The following CMYA5 variants were observed in gnomAD, a reference collection of about 807,000 sequenced individuals.
CMYA5 encodes cardiomyopathy-associated protein 5.
Under a neutral mutation model 318.9 loss-of-function variants are expected in CMYA5, and 246 were observed. That is an observed-to-expected ratio of 0.77 (90% CI 0.70 to 0.86). The LOEUF (loss-of-function observed/expected upper bound fraction) is 0.86. Among genes scored for constraint, CMYA5 ranks in the 40% least tolerant of loss-of-function variants. The pLI is 0.00. For missense variants in CMYA5, 4,589 were observed against 4,678.2 expected (o/e 0.98, Z 0.56); for synonymous variants, 1,641 against 1,729.5 (o/e 0.95, Z 1.27).
intron 9 of CMYA5, among the ~76,000 whole-genome samples, chr5:79,765,148 C>T (rs1387157673): frequency 3.3e-5 from 5 of 152,166 alleles, no homozygotes; most frequent in Non-Finnish European, 7.3e-5. Context: ...TTTAATCCAT[C>T]TTGAGTTAAT....
rs777102367 is a variant in CMYA5 at position 79,730,462 on chromosome 5, T to C, written c.1697T>C (p.Leu566Ser). ...EHKEEELILP[L>S]LAASSPEHVA... Reference sequence around the variant, plus strand: ...AAAGAAGAAGAGCTTATTCTACCATTATTGGCAGCATCATCTCCTGAACAT... The same window carrying C: ...AAAGAAGAAGAGCTTATTCTACCATCATTGGCAGCATCATCTCCTGAACAT... Residue 566 changes from leucine (L) to serine (S), a missense_variant, in exon 2 of 13, where the codon TTA becomes TCA. Coordinates refer to ENST00000446378, the MANE Select transcript of CMYA5 (RefSeq NM_153610.5). 1.9e-6 allele frequency: 3 copies of C among 1,613,830 alleles called. No individual in the cohort carries two copies. Among genetic ancestry groups the C allele is most frequent in the East Asian group, 4.5e-5 (2 of 44,864 alleles).
rs1486275361 is a variant in CMYA5 at position 79,761,898 on chromosome 5, T to C, written c.11348T>C (p.Val3783Ala). Residue 3783 changes from valine to alanine, a missense_variant, in exon 8 of 13, where the codon GTG (valine) becomes GCG (alanine). Physicochemically the swap from Val to Ala is moderately conservative, Grantham distance 64 (BLOSUM62 0). Around this residue, in one of 3 missense-constraint regions of CMYA5, gnomAD observed 2,431 missense variants for 2,495.1 expected, o/e 0.97. Transcript: ENST00000446378. ...LEPDRCYQVWVMAVNFTGCSL... is the reference protein window; with the variant it reads ...LEPDRCYQVWAMAVNFTGCSL... ...CCTGACCGATGCTATCAAGTGTGGG[T>C]GATGGCTGTGAACTTCACTGGATGT... is the stretch of plus-strand genomic sequence containing the variant. 5 of 1,613,696 alleles carry C rather than the reference T, an allele frequency of 3.1e-6. No homozygotes were observed. Among genetic ancestry groups the C allele is most frequent in the African/African-American group, 1.3e-5 (1 of 74,942 alleles).
intron 1 of CMYA5, among the ~76,000 whole-genome samples, chr5:79,724,772 T>C (rs1425589076): frequency 6.6e-6 from 1 of 152,256 alleles, no homozygotes; most frequent in Non-Finnish European, 1.5e-5. Flanking sequence ...CTGAGTGTAA[T>C]ACTGCCATGG....
rs1396758443 is a variant in CMYA5, at chr5:79,730,609, C to T, written c.1844C>T (p.Pro615Leu). ...NHELQEQEGE[P>L]VPPSNVEAIA... ...GAATTACAGGAGCAAGAAGGTGAGCCAGTTCCCCCATCCAATGTAGAAGCT... is the reference window on the plus strand; with the variant it reads ...GAATTACAGGAGCAAGAAGGTGAGCTAGTTCCCCCATCCAATGTAGAAGCT... The change falls in exon 2 of 13, where the codon CCA becomes CTA. Residue 615 changes from proline to leucine, a missense_variant. Coordinates refer to ENST00000446378, the MANE Select transcript of CMYA5 (RefSeq NM_153610.5). The T allele has an allele frequency of 6.2e-7, 1 of 1,614,020 alleles. No individual in the cohort carries two copies. Among genetic ancestry groups the T allele is most frequent in the South Asian group, 1.1e-5 (1 of 91,088 alleles).
intron 1 of CMYA5, among the ~76,000 whole-genome samples, chr5:79,721,200 T>G (rs1827618820): frequency 6.6e-6 from 1 of 152,056 alleles, no homozygotes; most frequent in Admixed American, 6.6e-5. Flanking sequence ...ATAAAAAAAT[T>G]CAATCCAAAA....
intron 11 of CMYA5, among the ~76,000 whole-genome samples, chr5:79,793,143 A>G (rs958119577): frequency 1.3e-5 from 2 of 152,160 alleles, no homozygotes; most frequent in South Asian, 4.1e-4. Flanking sequence ...TTTTTGTCCT[A>G]CCATTATTCT....
At position 79,734,122 on chromosome 5, in the gene CMYA5, T is replaced by A; in HGVS notation, c.5357T>A (p.Ile1786Asn). The A allele has an allele frequency of 6.2e-7, 1 of 1,613,692 alleles. No homozygotes were observed. Among genetic ancestry groups the A allele is most frequent in the Non-Finnish European group, 8.5e-7 (1 of 1,179,782 alleles). The part of the protein sequence containing the change: ...GNLKAQVMGD[I>N]LDKLSEETGH... ...TTGAAGGCACAAGTCATGGGAGATA[T>A]TTTAGATAAGCTAAGTGAAGAAACA... Residue 1786 changes from isoleucine (I) to asparagine (N), a missense_variant, in exon 2 of 13, where the codon ATT (isoleucine) becomes AAT (asparagine). Coordinates refer to ENST00000446378, the MANE Select transcript of CMYA5 (RefSeq NM_153610.5).
chr5:79,739,748 C>T (rs76265275), intron 2 of CMYA5, among the ~76,000 whole-genome samples: 18,951 of 151,898 alleles, frequency 0.12, 1,311 homozygotes, highest in South Asian at 0.19. Flanking sequence ...TTTGAGAGAC[C>T]GAGGTGGGAG....
At chr5:79,725,595 C>T (rs1273629637) in intron 1 of CMYA5, among the ~76,000 whole-genome samples, 1 of 152,158 alleles carries the variant, frequency 6.6e-6, no homozygotes, top group African/African-American at 2.4e-5. Context: ...TGCACATGTT[C>T]CCCCTGGATC....
Position 79,709,960 on chromosome 5 carries a change from CAAAAAAAA to C in CMYA5, c.150-18934_150-18927del, listed in dbSNP as rs61657639. ...TGGGTGACAGAGTGAGACTCCATCT[CAAAAAAAA>C]AAAAAAAAAAAAAAAAAAAAGAAAG... On this transcript the variant is annotated intron_variant, in intron 1 of 12. Transcript: ENST00000446378. Among the ~76,000 whole-genome samples, 11 of 24,320 alleles carry C rather than the reference CAAAAAAAA, an allele frequency of 4.5e-4. No homozygotes were observed. In the South Asian group the frequency reaches 0.011, roughly 25 times the overall value. The allele number at this position is 24,320 out of a possible 152,430, so 16.0% of individuals were successfully genotyped here.
chr5:79,698,679 C>T (rs1199231359), intron 1 of CMYA5, among the ~76,000 whole-genome samples: 1 of 152,236 alleles, frequency 6.6e-6, no homozygotes, highest in Non-Finnish European at 1.5e-5. Flanking sequence ...TCACTCCCTT[C>T]TTGTCTTCCG....
At chr5:79,791,866 G>C (rs1354176222) in intron 11 of CMYA5, among the ~76,000 whole-genome samples, 1 of 152,214 alleles carries the variant, frequency 6.6e-6, no homozygotes, top group African/African-American at 2.4e-5. Flanking sequence ...GGAGGAAACT[G>C]CCCTGCAATT....
intron 9 of CMYA5, among the ~76,000 whole-genome samples, chr5:79,773,119 C>A (rs1828881960): frequency 6.6e-6 from 1 of 152,170 alleles, no homozygotes; most frequent in Non-Finnish European, 1.5e-5. Context: ...TTTGTTTGAT[C>A]TCACTCCTTT....
chr5:79,708,227 T>C (rs1008084302), intron 1 of CMYA5, among the ~76,000 whole-genome samples: 48 of 152,238 alleles, frequency 3.2e-4, no homozygotes, highest in African/African-American at 1.1e-3. Context: ...TCCCACGGAC[T>C]TAGCACTGTG....
chr5:79,727,332 T>A (rs1400746814), intron 1 of CMYA5, among the ~76,000 whole-genome samples: 1 of 152,012 alleles, frequency 6.6e-6, no homozygotes, highest in African/African-American at 2.4e-5. Context: ...TGGAGAAGGG[T>A]ATGGGGCAGT....
At position 79,737,805 on chromosome 5, in the gene CMYA5, A is replaced by AC; in HGVS notation, c.9044dup (p.Leu3016IlefsTer5). On this transcript the variant is annotated frameshift_variant, in exon 2 of 13. Coordinates refer to ENST00000446378, the MANE Select transcript of CMYA5 (RefSeq NM_153610.5). LOFTEE classifies it high-confidence loss of function. ...GAGCAGGTTAGAAGATGAAAAAGTT[A>AC]CCCCATTGAAAGAAAATAAACAAAA... 1 of 1,608,474 alleles carries AC rather than the reference A, an allele frequency of 6.2e-7. No individual in the cohort carries two copies. The highest frequency in any genetic ancestry group is 8.5e-7 in the Non-Finnish European group (1 of 1,178,636).
chr5:79,738,204 G>T lies in CMYA5; in HGVS notation c.9439G>T (p.Asp3147Tyr), dbSNP rs114117919. 2.7e-3 allele frequency: 4,427 copies of T among 1,613,908 alleles called. 46 individuals carry two copies. Among genetic ancestry groups the T allele is most frequent in the African/African-American group, 0.024 (1,800 of 75,044 alleles). ...DRNVSKDTKR[D>Y]VDSKSPGMPL... Reference sequence around the variant, plus strand: ...GAATGTTTCAAAGGACACAAAGAGAGATGTGGACTCAAAGTCACCGGGGAT... The same window carrying T: ...GAATGTTTCAAAGGACACAAAGAGATATGTGGACTCAAAGTCACCGGGGAT... The change falls in exon 2 of 13, where the codon GAT becomes TAT. Residue 3147 changes from aspartate (D) to tyrosine (Y), a missense_variant. Asp to Tyr is a radical substitution (Grantham distance 160). This residue lies in a region of CMYA5 where 2,431 missense variants were observed against 2,495.1 expected (regional missense o/e 0.97). Transcript: ENST00000446378.
chr5:79,746,547 T>TAAAAAAAAAAAAAAAA, intron 4 of CMYA5, among the ~76,000 whole-genome samples: 1 of 68,868 alleles, frequency 1.5e-5, no homozygotes, highest in African/African-American at 5.7e-5. Flanking sequence ...GAGCAAACTG[T>TAAAAAAAAAAAAAAAA]AAAAAAAAAA....
intron 10 of CMYA5, among the ~76,000 whole-genome samples, chr5:79,789,484 G>A (rs1349700256): frequency 1.3e-5 from 2 of 151,860 alleles, no homozygotes; most frequent in Non-Finnish European, 2.9e-5. Context: ...GAGTGAAGTG[G>A]CATGATCTTG....
Sources: allele counts gnomAD v4.1 joint callset (sites outside exome capture counted in the v4.1 genomes callset), GRCh38; gene constraint gnomAD v4.1.1; regional missense constraint gnomAD v4.1.1; transcripts MANE v1.5; gene names NCBI Gene and HGNC (gene_info 2026-07-23, HGNC 2026-07-21).